The following FRMD4A variants were observed in gnomAD, a reference collection of about 807,000 sequenced individuals.
The protein encoded by FRMD4A is FERM domain containing 4A.
In FRMD4A, 29 loss-of-function variants were observed where a neutral mutation model predicts 129.1. That is an observed-to-expected ratio of 0.22 (90% confidence interval 0.17 to 0.31). The LOEUF (loss-of-function observed/expected upper bound fraction) is 0.31, where lower values mean the gene tolerates loss of function less well. FRMD4A is among the 10% of genes least tolerant of loss of function. FRMD4A has a pLI of 1.00. For synonymous variants in FRMD4A, 634 were observed against 571.6 expected, an observed-to-expected ratio of 1.11 and a Z score of -1.56; for missense variants, 1,272 against 1,375.8, an observed-to-expected ratio of 0.92 and a Z score of 1.19.
rs916758027 is a variant in FRMD4A at position 14,050,304 on chromosome 10, G to C, written c.46-191392C>G. The stretch of plus-strand genomic sequence containing the variant: ...TCAGTGAATTAACTCATTTAATTAG[G>C]ACAGGACCCTGTGAGGTAGGTATGA... On this transcript the variant is annotated intron_variant, in intron 2 of 24. Transcript: ENST00000357447. Among the ~76,000 whole-genome samples the C allele has an allele frequency of 3.3e-5, 5 of 152,294 alleles. No homozygotes were observed. The East Asian group carries it at 9.7e-4, about 29-fold the overall frequency.
At chr10:14,239,353 C>T (rs556053789) in intron 2 of FRMD4A, among the ~76,000 whole-genome samples, 18 of 152,228 alleles carry the variant, frequency 1.2e-4, no homozygotes, top group East Asian at 1.9e-4. Context: ...GCTGGCCGGA[C>T]GCGGTGGCTC....
intron 2 of FRMD4A, among the ~76,000 whole-genome samples, chr10:14,204,573 A>T (rs1842727803): frequency 6.6e-6 from 1 of 152,212 alleles, no homozygotes; most frequent in Non-Finnish European, 1.5e-5. Context: ...CGCAACTACA[A>T]AATGAATAGA....
In FRMD4A at chr10:14,089,379, C is replaced by G. The variant is rs539565749; in HGVS notation, c.46-230467G>C. Among the ~76,000 whole-genome samples, 345 of 152,212 alleles carry G rather than the reference C, an allele frequency of 2.3e-3. 6 individuals are homozygous for G. The highest frequency in any genetic ancestry group is 9.1e-3 in the Admixed American group (139 of 15,292). ...CAGTGCATGAAGCCACTTATCACCACGGTTCCCAGAGAGGACGGGCTGGCC... is the reference window on the plus strand; with the variant it reads ...CAGTGCATGAAGCCACTTATCACCAGGGTTCCCAGAGAGGACGGGCTGGCC... On this transcript the variant is annotated intron_variant, in intron 2 of 24. Coordinates refer to ENST00000357447, the MANE Select transcript of FRMD4A (RefSeq NM_018027.5).
chr10:13,701,126 G>A (rs2086792611), intron 14 of FRMD4A, among the ~76,000 whole-genome samples: 1 of 152,072 alleles, frequency 6.6e-6, no homozygotes, highest in Non-Finnish European at 1.5e-5. Context: ...CTCTGATGGT[G>A]GTCAGAGCCC....
At chr10:13,999,042 A>G (rs1266289636) in intron 2 of FRMD4A, among the ~76,000 whole-genome samples, 1 of 151,642 alleles carries the variant, frequency 6.6e-6, no homozygotes, top group African/African-American at 2.4e-5. Flanking sequence ...TGCTCCAGCT[A>G]CCTGCTTGCC....
chr10:14,064,582 T>A (rs559091240), intron 2 of FRMD4A, among the ~76,000 whole-genome samples: 1 of 152,284 alleles, frequency 6.6e-6, no homozygotes, highest in South Asian at 2.1e-4. Flanking sequence ...CTTATTTTTT[T>A]ATTTATTTAT....
intron 12 of FRMD4A, among the ~76,000 whole-genome samples, chr10:13,711,553 A>T (rs536880380): frequency 2.0e-5 from 3 of 152,384 alleles, no homozygotes; most frequent in African/African-American, 7.2e-5. Context: ...CATCAGGATG[A>T]CTGGGCCGGT....
At chr10:13,955,167 G>A (rs1288228196) in intron 2 of FRMD4A, among the ~76,000 whole-genome samples, 2 of 134,420 alleles carry the variant, frequency 1.5e-5, no homozygotes, top group Admixed American at 1.7e-4. Context: ...GAGTGCAGTG[G>A]CTCAATCTCA....
intron 2 of FRMD4A, among the ~76,000 whole-genome samples, chr10:13,866,924 G>C (rs577398779): frequency 6.6e-6 from 1 of 152,254 alleles, no homozygotes; most frequent in South Asian, 2.1e-4. Flanking sequence ...CTCCAGCCTG[G>C]GCAACAGAGT....
At chr10:13,889,508 T>A (rs1260090619) in intron 2 of FRMD4A, among the ~76,000 whole-genome samples, 1 of 152,186 alleles carries the variant, frequency 6.6e-6, no homozygotes, top group African/African-American at 2.4e-5. Flanking sequence ...GTTTCCCCAA[T>A]GACGAGATCA....
intron 2 of FRMD4A, among the ~76,000 whole-genome samples, chr10:13,982,212 A>G (rs931682735): frequency 6.6e-6 from 1 of 151,976 alleles, no homozygotes; most frequent in African/African-American, 2.4e-5. Flanking sequence ...AGCTGGGCAT[A>G]GTGGCTCATG....
At chr10:14,060,273 CA>C (rs1834745021) in intron 2 of FRMD4A, among the ~76,000 whole-genome samples, 1 of 152,176 alleles carries the variant, frequency 6.6e-6, no homozygotes, top group African/African-American at 2.4e-5. Context: ...TAGGGAGGCA[CA>C]GATTGGATTC....
intron 2 of FRMD4A, among the ~76,000 whole-genome samples, chr10:14,225,342 G>T (rs765480202): frequency 1.3e-5 from 2 of 152,174 alleles, no homozygotes; most frequent in African/African-American, 2.4e-5. Flanking sequence ...AACACCTAAT[G>T]GATTAAAGCA....
At position 13,644,270 on chromosome 10, in the gene FRMD4A, G is replaced by A. The variant is rs2080980458; in HGVS notation, c.*2768C>T. 1.3e-5 allele frequency: 2 copies of A among 152,164 alleles called. No homozygotes were observed. The highest frequency in any genetic ancestry group is 4.1e-4 in the South Asian group (2 of 4,828). The allele number at this position is 152,164 out of a possible 1,614,324, so 9.4% of individuals were successfully genotyped here. A position where few individuals can be genotyped will look rare whatever the true frequency, so the allele number is the denominator to read the frequency against. ...CAATAGGGGCTTTATATCAGACCAAGGACTTCGTATTTCACCTTATTTTGT... is the reference window on the plus strand; with the variant it reads ...CAATAGGGGCTTTATATCAGACCAAAGACTTCGTATTTCACCTTATTTTGT... On this transcript the variant is annotated 3_prime_UTR_variant, in exon 25 of 25. Transcript: ENST00000357447.
chr10:14,113,779 C>T (rs1047614699), intron 2 of FRMD4A, among the ~76,000 whole-genome samples: 16 of 151,918 alleles, frequency 1.1e-4, no homozygotes, highest in East Asian at 1.9e-4. Flanking sequence ...TGTGCGCGCG[C>T]GTGTGTGCGT....
intron 2 of FRMD4A, among the ~76,000 whole-genome samples, chr10:14,097,616 ATTATAC>A (rs1394285586): frequency 6.6e-6 from 1 of 152,016 alleles, no homozygotes; most frequent in African/African-American, 2.4e-5. Flanking sequence ...GCTCTTAATT[ATTATAC>A]TTATAGATAT....
intron 2 of FRMD4A, among the ~76,000 whole-genome samples, chr10:14,151,987 CAGAG>C (rs1409397113): frequency 4.0e-5 from 6 of 151,772 alleles, no homozygotes; most frequent in Admixed American, 3.3e-4. Flanking sequence ...GGGGAGAAGA[CAGAG>C]AGGGGAGGGG....
rs570397590 is a variant in FRMD4A at position 13,859,078 on chromosome 10, T to C, written c.46-166A>G. Among the ~76,000 whole-genome samples the C allele has an allele frequency of 3.3e-5, 5 of 152,280 alleles. No individual in the cohort carries two copies. In the East Asian group the frequency reaches 5.8e-4, roughly 18 times the overall value. On this transcript the variant is annotated intron_variant, in intron 2 of 24. Coordinates refer to ENST00000357447, the MANE Select transcript of FRMD4A (RefSeq NM_018027.5). ...TTGGAAGGATCAGTTCATTCATTCA[T>C]TCAAAAATATCTATTGAGGCCGGGC...
At chr10:13,932,875 G>A (rs2698117) in intron 2 of FRMD4A, among the ~76,000 whole-genome samples, 151,961 of 152,304 alleles carry the variant, frequency 1, 75,809 homozygotes, top group Non-Finnish European at 1. Context: ...AAATATTTCT[G>A]AAAGGCTGGG....
Sources: allele counts gnomAD v4.1 joint callset (sites outside exome capture counted in the v4.1 genomes callset), GRCh38; gene constraint gnomAD v4.1.1; transcripts MANE v1.5; gene names NCBI Gene and HGNC (gene_info 2026-07-23, HGNC 2026-07-21).